LHFPL3: variants seen among roughly 807,000 people sequenced by gnomAD.
LHFPL3 encodes the protein LHFPL tetraspan subfamily member 3, also known as LHFPL tetraspan subfamily member 3 protein.
Under a neutral mutation model 19.3 loss-of-function variants are expected in LHFPL3, and 5 were observed. That is an observed-to-expected ratio of 0.26 (90% CI 0.14 to 0.54). LHFPL3 has a LOEUF of 0.54. LHFPL3 is among the 20% of genes least tolerant of loss of function. LHFPL3 has a pLI of 0.94. For synonymous variants in LHFPL3, 133 were observed against 126.2 expected (o/e 1.05, Z -0.36); for missense variants, 249 against 307.4 (o/e 0.81, Z 1.42).
intron 1 of LHFPL3, among the ~76,000 whole-genome samples, chr7:104,557,427 C>T (rs1287806684): frequency 6.6e-6 from 1 of 152,122 alleles, no homozygotes; most frequent in Non-Finnish European, 1.5e-5. Flanking sequence ...ATTTTTAAAA[C>T]CATCAGATCT....
intron 1 of LHFPL3, among the ~76,000 whole-genome samples, chr7:104,594,914 T>A (rs6942671): frequency 6.6e-6 from 1 of 152,070 alleles, no homozygotes; most frequent in African/African-American, 2.4e-5. Context: ...TTCCCTACAC[T>A]GTTTATTCTA....
chr7:104,582,761 C>T (rs1790483083), intron 1 of LHFPL3, among the ~76,000 whole-genome samples: 1 of 149,868 alleles, frequency 6.7e-6, no homozygotes, highest in South Asian at 2.1e-4. Context: ...AAATGTTAAG[C>T]CTATGTTGCA....
chr7:104,475,486 G>A (rs1157621973), intron 1 of LHFPL3, among the ~76,000 whole-genome samples: 1 of 152,044 alleles, frequency 6.6e-6, no homozygotes, highest in Non-Finnish European at 1.5e-5. Flanking sequence ...TGGATATAGA[G>A]TTTCACACTT....
intron 1 of LHFPL3, among the ~76,000 whole-genome samples, chr7:104,485,422 T>C (rs1793219226): frequency 6.6e-6 from 1 of 152,156 alleles, no homozygotes; most frequent in South Asian, 2.1e-4. Flanking sequence ...CTAGTTACTA[T>C]TGTGATATTT....
At chr7:104,838,053 C>T (rs1462172070) in intron 2 of LHFPL3, among the ~76,000 whole-genome samples, 2 of 152,182 alleles carry the variant, frequency 1.3e-5, no homozygotes, top group African/African-American at 4.8e-5. Flanking sequence ...AAACCAGCTC[C>T]AGTAATCAGA....
chr7:104,788,865 A>G (rs954676402), intron 2 of LHFPL3, among the ~76,000 whole-genome samples: 3 of 152,090 alleles, frequency 2.0e-5, no homozygotes, highest in Admixed American at 6.5e-5. Context: ...TTTAAACAAG[A>G]GTTGTGGTCT....
At chr7:104,711,580 C>A (rs1373867067) in intron 1 of LHFPL3, among the ~76,000 whole-genome samples, 2 of 152,084 alleles carry the variant, frequency 1.3e-5, no homozygotes, top group East Asian at 3.9e-4. Flanking sequence ...TCAAGGTGAC[C>A]CATTCTCTTG....
At chr7:104,383,987 G>A (rs952054729) in intron 1 of LHFPL3, among the ~76,000 whole-genome samples, 6 of 152,164 alleles carry the variant, frequency 3.9e-5, no homozygotes, top group African/African-American at 1.4e-4. Context: ...TAGTGTACCT[G>A]ACTATTAGCC....
At chr7:104,394,247 A>C (rs2116478861) in intron 1 of LHFPL3, among the ~76,000 whole-genome samples, 1 of 152,352 alleles carries the variant, frequency 6.6e-6, no homozygotes, top group South Asian at 2.1e-4. Context: ...TGATTCAATA[A>C]GTCTGAGTGC....
At chr7:104,458,589 G>A (rs909129669) in intron 1 of LHFPL3, among the ~76,000 whole-genome samples, 4 of 151,988 alleles carry the variant, frequency 2.6e-5, no homozygotes, top group African/African-American at 9.7e-5. Flanking sequence ...GGATTGACTT[G>A]GCGATGCGGG....
At chr7:104,510,039 C>T (rs1392726888) in intron 1 of LHFPL3, among the ~76,000 whole-genome samples, 5 of 152,012 alleles carry the variant, frequency 3.3e-5, no homozygotes, top group Non-Finnish European at 7.4e-5. Context: ...AAAACATGTA[C>T]AGGACTTGCA....
chr7:104,403,095 G>T (rs544941236), intron 1 of LHFPL3, among the ~76,000 whole-genome samples: 21 of 152,216 alleles, frequency 1.4e-4, no homozygotes, highest in African/African-American at 4.8e-4. Context: ...TTAAAACCTA[G>T]GTGACAGGTT....
At chr7:104,866,396 G>C (rs550193252) in intron 2 of LHFPL3, among the ~76,000 whole-genome samples, 1 of 151,486 alleles carries the variant, frequency 6.6e-6, no homozygotes, top group Non-Finnish European at 1.5e-5. Context: ...CCAAGCAAAT[G>C]GAAAACAAAA....
At chr7:104,684,979 C>A (rs941051508) in intron 1 of LHFPL3, among the ~76,000 whole-genome samples, 9 of 152,140 alleles carry the variant, frequency 5.9e-5, no homozygotes, top group African/African-American at 1.9e-4. Flanking sequence ...AAACAAAATA[C>A]GAATTGATTA....
intron 1 of LHFPL3, among the ~76,000 whole-genome samples, chr7:104,502,784 G>A (rs1029097615): frequency 1.3e-5 from 2 of 152,114 alleles, no homozygotes; most frequent in African/African-American, 4.8e-5. Flanking sequence ...TATTGTTAGG[G>A]CATAAATAGT....
At chr7:104,473,520 G>T (rs1260055499) in intron 1 of LHFPL3, among the ~76,000 whole-genome samples, 2 of 152,168 alleles carry the variant, frequency 1.3e-5, no homozygotes, top group Non-Finnish European at 2.9e-5. Context: ...TACTTATTCA[G>T]TGCTAACTTT....
At chr7:104,828,938 G>C (rs1265902858) in intron 2 of LHFPL3, among the ~76,000 whole-genome samples, 1 of 151,890 alleles carries the variant, frequency 6.6e-6, no homozygotes, top group Non-Finnish European at 1.5e-5. Context: ...GGGAGGCTGG[G>C]GTGGGAGAAT....
intron 1 of LHFPL3, chr7:104,669,221 G>A (rs1353755959): frequency 1.2e-4 from 187 of 1,613,832 alleles, no homozygotes; most frequent in Non-Finnish European, 1.5e-4. Flanking sequence ...CCTCCTGCTC[G>A]ATCTCAGAGC....
chr7:104,485,011 T>C (rs1387738251), intron 1 of LHFPL3, among the ~76,000 whole-genome samples: 1 of 152,142 alleles, frequency 6.6e-6, no homozygotes, highest in Non-Finnish European at 1.5e-5. Flanking sequence ...GGGCTCTCCA[T>C]AGGTGACACT....
Sources: allele counts gnomAD v4.1 joint callset (sites outside exome capture counted in the v4.1 genomes callset), GRCh38; gene constraint gnomAD v4.1.1; transcripts MANE v1.5; gene names NCBI Gene and HGNC (gene_info 2026-07-23, HGNC 2026-07-21).